Variants in RBFOX1 observed in about 807,000 individuals in gnomAD.
RBFOX1 encodes the protein RNA binding protein fox-1 homolog 1.
A neutral mutation model predicts 57.7 loss-of-function variants in RBFOX1; 8 were observed. The ratio of observed to expected loss-of-function variants is 0.14; its 90% CI spans 0.08 to 0.25. The LOEUF (loss-of-function observed/expected upper bound fraction) is 0.25. Ranked by LOEUF, RBFOX1 falls within the 10% of genes least tolerant of loss-of-function variation. RBFOX1 has a pLI of 1.00. For missense variants in RBFOX1, 611 were observed against 548.5 expected (o/e 1.11, Z -1.14); for synonymous variants, 326 against 222.4 (o/e 1.47, Z -4.15).
chr16:6,159,064 A>C (rs1250102987), intron 1 of RBFOX1, among the ~76,000 whole-genome samples: 2 of 151,926 alleles, frequency 1.3e-5, no homozygotes, highest in Non-Finnish European at 2.9e-5. Flanking sequence ...CACCATGCCC[A>C]GCTAATTTTT....
intron 1 of RBFOX1, among the ~76,000 whole-genome samples, chr16:6,073,586 C>A (rs2095861539): frequency 6.6e-6 from 1 of 152,056 alleles, no homozygotes; most frequent in South Asian, 2.1e-4. Context: ...TAATACACTT[C>A]CGTTTTGGAA....
intron 3 of RBFOX1, among the ~76,000 whole-genome samples, chr16:5,679,334 CT>C (rs571622871): frequency 5.1e-4 from 73 of 141,846 alleles, no homozygotes; most frequent in East Asian, 5.9e-4. Context: ...AATTCTCTCT[CT>C]TTTTTTTTTT....
chr16:7,368,653 A>G (rs1450390833), intron 4 of RBFOX1, among the ~76,000 whole-genome samples: 9 of 151,686 alleles, frequency 5.9e-5, no homozygotes, highest in African/African-American at 2.2e-4. Flanking sequence ...GGTGGCGGGC[A>G]CCTGTAGTCC....
chr16:6,533,063 A>G (rs1162987079), intron 2 of RBFOX1, among the ~76,000 whole-genome samples: 2 of 152,220 alleles, frequency 1.3e-5, no homozygotes, highest in East Asian at 3.9e-4. Context: ...TCTGTGTTGC[A>G]AAGCACACTT....
At chr16:5,672,877 GT>G in intron 3 of RBFOX1, among the ~76,000 whole-genome samples, 1 of 151,918 alleles carries the variant, frequency 6.6e-6, no homozygotes, top group African/African-American at 2.4e-5. Context: ...GTGTGTGTGT[GT>G]GTGTGTGTGT....
intron 4 of RBFOX1, among the ~76,000 whole-genome samples, chr16:7,154,106 A>G (rs1035263835): frequency 2.0e-5 from 3 of 152,226 alleles, no homozygotes; most frequent in Non-Finnish European, 2.9e-5. Context: ...TAGCAGGTAG[A>G]AAAGCACTCA....
At chr16:7,516,315 C>T (rs563477663) in intron 4 of RBFOX1, among the ~76,000 whole-genome samples, 120 of 152,120 alleles carry the variant, frequency 7.9e-4, no homozygotes, top group Middle Eastern at 3.4e-3. Flanking sequence ...TGTGCATGAA[C>T]GCAAATCCAT....
At chr16:7,466,113 T>C (rs975420399) in intron 4 of RBFOX1, among the ~76,000 whole-genome samples, 9 of 152,206 alleles carry the variant, frequency 5.9e-5, no homozygotes, top group Non-Finnish European at 1.2e-4. Flanking sequence ...GGGGAAAAGA[T>C]GCCTGGTTTT....
At chr16:7,243,844 C>G (rs1290982083) in intron 4 of RBFOX1, among the ~76,000 whole-genome samples, 3 of 152,082 alleles carry the variant, frequency 2.0e-5, no homozygotes, top group African/African-American at 7.2e-5. Flanking sequence ...GCCACTGCAT[C>G]CTACCCCTTA....
intron 2 of RBFOX1, among the ~76,000 whole-genome samples, chr16:5,510,486 C>T (rs1468344112): frequency 8.2e-6 from 1 of 121,588 alleles, no homozygotes; most frequent in African/African-American, 3.5e-5. Flanking sequence ...ACCAGCATGT[C>T]ATCACTCCCA....
At chr16:7,179,602 T>G (rs536536568) in intron 4 of RBFOX1, among the ~76,000 whole-genome samples, 9 of 152,086 alleles carry the variant, frequency 5.9e-5, no homozygotes, top group African/African-American at 1.4e-4. Context: ...TTCCTTTTTT[T>G]TTTATATATT....
chr16:6,490,293 A>T (rs1460985079), intron 2 of RBFOX1, among the ~76,000 whole-genome samples: 1 of 152,258 alleles, frequency 6.6e-6, no homozygotes, highest in Non-Finnish European at 1.5e-5. Context: ...ATACCAGAAT[A>T]TCCAGAAAAC....
At chr16:6,977,635 G>A (rs547630741) in intron 3 of RBFOX1, among the ~76,000 whole-genome samples, 1 of 152,206 alleles carries the variant, frequency 6.6e-6, no homozygotes, top group South Asian at 2.1e-4. Flanking sequence ...GCAGGCCCCC[G>A]GCTGGTCATC....
At chr16:5,803,246 C>T (rs1006884945) in intron 3 of RBFOX1, among the ~76,000 whole-genome samples, 3 of 152,170 alleles carry the variant, frequency 2.0e-5, no homozygotes, top group African/African-American at 4.8e-5. Flanking sequence ...CAGGCCCATC[C>T]TTTTGGCCTG....
intron 4 of RBFOX1, among the ~76,000 whole-genome samples, chr16:5,905,221 C>G (rs1016617376): frequency 6.6e-6 from 1 of 151,574 alleles, no homozygotes; most frequent in Non-Finnish European, 1.5e-5. Context: ...GTGGGTGCCA[C>G]CACACCTAGC....
chr16:6,134,265 C>G (rs1472414924), intron 1 of RBFOX1, among the ~76,000 whole-genome samples: 1 of 152,190 alleles, frequency 6.6e-6, no homozygotes, highest in East Asian at 1.9e-4. Flanking sequence ...ATTCAGCACC[C>G]CTTGTTTGCA....
At chr16:6,058,292 G>C (rs1205426554) in intron 1 of RBFOX1, among the ~76,000 whole-genome samples, 2 of 144,928 alleles carry the variant, frequency 1.4e-5, no homozygotes. Flanking sequence ...TTCTTTCCCT[G>C]CCTTCCTCCC....
intron 5 of RBFOX1, among the ~76,000 whole-genome samples, chr16:7,536,370 G>T (rs1158098906): frequency 6.6e-6 from 1 of 152,208 alleles, no homozygotes; most frequent in Non-Finnish European, 1.5e-5. Context: ...AAGGTGGGTG[G>T]ATCTCTTGAG....
intron 3 of RBFOX1, among the ~76,000 whole-genome samples, chr16:6,945,962 C>T (rs1380568300): frequency 2.0e-5 from 3 of 152,218 alleles, no homozygotes; most frequent in Non-Finnish European, 2.9e-5. Context: ...GGCATTCTGC[C>T]TCAATTTCCA....
Sources: gnomAD v4.1 joint callset for allele counts (sites outside exome capture counted in the v4.1 genomes callset) on GRCh38, gnomAD v4.1.1 for gene constraint, MANE v1.5 for transcripts, NCBI Gene and HGNC (gene_info 2026-07-23, HGNC 2026-07-21) for gene names.